The following KAZN variants were observed in gnomAD, a reference collection of about 807,000 sequenced individuals.
KAZN encodes kazrin, periplakin interacting protein.
Under a neutral mutation model 87.4 loss-of-function variants are expected in KAZN, and 40 were observed. The observed-to-expected ratio is 0.46, with a 90% confidence interval of 0.36 to 0.60. The LOEUF (loss-of-function observed/expected upper bound fraction) is 0.60, where lower values mean the gene tolerates loss of function less well. Ranked by LOEUF, KAZN falls within the 20% of genes least tolerant of loss-of-function variation. The pLI is 0.00. For missense variants in KAZN, 898 were observed against 1,073.9 expected (o/e 0.84, Z 2.29); for synonymous variants, 466 against 458.3 (o/e 1.02, Z -0.22).
intron 1 of KAZN, among the ~76,000 whole-genome samples, chr1:14,854,891 C>G (rs899998114): frequency 2.0e-5 from 3 of 152,140 alleles, no homozygotes; most frequent in Admixed American, 2.0e-4. Context: ...GCCAGCCGCT[C>G]TGATGTTTCT....
At chr1:14,009,063 A>AT (rs1640165474) in intron 1 of KAZN, among the ~76,000 whole-genome samples, 1 of 152,152 alleles carries the variant, frequency 6.6e-6, no homozygotes, top group South Asian at 2.1e-4. Context: ...ATCACACAGT[A>AT]TTTTATTTTT....
At chr1:14,147,588 TC>T (rs1164634404) in intron 1 of KAZN, among the ~76,000 whole-genome samples, 1 of 151,710 alleles carries the variant, frequency 6.6e-6, no homozygotes, top group Non-Finnish European at 1.5e-5. Flanking sequence ...GGTCAAGAGA[TC>T]AAGACCATCC....
In KAZN at chr1:14,692,239, C is replaced by T. The variant is rs534928428; in HGVS notation, c.226+93016C>T. 4.7e-5 allele frequency: 32 copies of T among 683,566 alleles called. 1 individual carries two copies. In the South Asian group the frequency reaches 1.6e-3, roughly 35 times the overall value. The allele number at this position is 683,566 out of a possible 1,614,324, so 42.3% of individuals were successfully genotyped here. A position where few individuals can be genotyped will look rare whatever the true frequency, so the allele number is the denominator to read the frequency against. On this transcript the variant is annotated intron_variant, in intron 1 of 14. Coordinates refer to ENST00000376030, the MANE Select transcript of KAZN (RefSeq NM_201628.3). Reference sequence around the variant, plus strand: ...TGTTGAAGATCCAAATATGCAGCTTCCAACCTGCGCTGGCAATCTGGGATC... The same window carrying T: ...TGTTGAAGATCCAAATATGCAGCTTTCAACCTGCGCTGGCAATCTGGGATC...
chr1:14,883,580 T>C lies in KAZN; in HGVS notation c.227-77104T>C, dbSNP rs10927564. 3.5e-3 allele frequency among the ~76,000 whole-genome samples: 529 copies of C among 151,146 alleles called. 2 individuals are homozygous for C. Among genetic ancestry groups the C allele is most frequent in the African/African-American group, 0.012 (498 of 40,920 alleles). ...CGCTCCTCCCATCCTCCATCATCCC[T>C]CACCTCCCGCCTACCCAATCAAATC... is the stretch of plus-strand genomic sequence containing the variant. On this transcript the variant is annotated intron_variant, in intron 1 of 14. Coordinates refer to ENST00000376030, the MANE Select transcript of KAZN (RefSeq NM_201628.3).
chr1:14,721,432 T>C (rs1193780994), intron 1 of KAZN, among the ~76,000 whole-genome samples: 2 of 152,204 alleles, frequency 1.3e-5, no homozygotes, highest in African/African-American at 4.8e-5. Flanking sequence ...GTCAATTAAA[T>C]CTCTTTCCTT....
chr1:14,060,831 A>G (rs1642765760), intron 1 of KAZN, among the ~76,000 whole-genome samples: 1 of 152,230 alleles, frequency 6.6e-6, no homozygotes. Context: ...AAAATCCAGG[A>G]CCATCTTGGG....
At chr1:13,997,929 A>C (rs1376290903) in intron 1 of KAZN, among the ~76,000 whole-genome samples, 1 of 152,174 alleles carries the variant, frequency 6.6e-6, no homozygotes, top group Non-Finnish European at 1.5e-5. Context: ...CAGATTCTCC[A>C]AGGTCGAAAT....
At chr1:14,139,026 C>T (rs1463121002) in intron 1 of KAZN, among the ~76,000 whole-genome samples, 3 of 152,134 alleles carry the variant, frequency 2.0e-5, no homozygotes, top group African/African-American at 7.2e-5. Flanking sequence ...AAGCGGCAGC[C>T]TTCTCTCCTT....
chr1:15,110,503 GTA>G (rs1641548707), intron 13 of KAZN, among the ~76,000 whole-genome samples: 1 of 22,804 alleles, frequency 4.4e-5, no homozygotes, highest in African/African-American at 1.0e-4. Context: ...GTATGTGTGT[GTA>G]TTTGTGTGTT....
chr1:14,383,927 T>C (rs1176014838), intron 2 of KAZN, among the ~76,000 whole-genome samples: 3 of 152,104 alleles, frequency 2.0e-5, no homozygotes, highest in African/African-American at 7.3e-5. Context: ...TTTCACAATA[T>C]TGATTCTTCC....
At chr1:14,625,347 C>G (rs7519289) in intron 1 of KAZN, among the ~76,000 whole-genome samples, 47,101 of 151,998 alleles carry the variant, frequency 0.31, 7,985 homozygotes, top group East Asian at 0.42. Flanking sequence ...TGGCCCCCCT[C>G]ACACTGCAAA....
intron 2 of KAZN, among the ~76,000 whole-genome samples, chr1:14,374,642 C>T (rs1448657873): frequency 6.6e-6 from 1 of 152,288 alleles, no homozygotes; most frequent in Non-Finnish European, 1.5e-5. Context: ...GATGAAGACG[C>T]CCTTCTGGGA....
At chr1:14,802,491 G>A (rs1422317139) in intron 1 of KAZN, among the ~76,000 whole-genome samples, 3 of 151,884 alleles carry the variant, frequency 2.0e-5, no homozygotes, top group African/African-American at 7.3e-5. Flanking sequence ...GGCACAACTG[G>A]TATGGGGGGG....
chr1:14,120,452 G>T (rs1397402159), intron 1 of KAZN, among the ~76,000 whole-genome samples: 1 of 152,112 alleles, frequency 6.6e-6, no homozygotes, highest in Non-Finnish European at 1.5e-5. Flanking sequence ...TTGAACATGA[G>T]ATTTGGGTGG....
chr1:14,470,812 A>G (rs1336565541), intron 2 of KAZN, among the ~76,000 whole-genome samples: 2 of 151,808 alleles, frequency 1.3e-5, no homozygotes, highest in African/African-American at 4.8e-5. Context: ...TGCTCCCATG[A>G]CTCTCGGCTT....
At chr1:13,941,777 A>G (rs1350825596) in intron 1 of KAZN, among the ~76,000 whole-genome samples, 1 of 152,220 alleles carries the variant, frequency 6.6e-6, no homozygotes, top group Non-Finnish European at 1.5e-5. Context: ...CACCACCAAC[A>G]GCAACAACAA....
At chr1:14,810,573 C>G (rs1646375597) in intron 1 of KAZN, among the ~76,000 whole-genome samples, 1 of 152,142 alleles carries the variant, frequency 6.6e-6, no homozygotes, top group Non-Finnish European at 1.5e-5. Context: ...ATGGACATGA[C>G]CCCCTCCCAC....
intron 1 of KAZN, among the ~76,000 whole-genome samples, chr1:14,110,207 G>A (rs1414691203): frequency 2.0e-5 from 3 of 152,200 alleles, no homozygotes; most frequent in African/African-American, 7.2e-5. Flanking sequence ...TCAGCTGGAT[G>A]TTCCGTTTCC....
chr1:15,014,667 C>T (rs76288128), intron 2 of KAZN, among the ~76,000 whole-genome samples: 2,305 of 152,220 alleles, frequency 0.015, 63 homozygotes, highest in African/African-American at 0.052. Context: ...GCCTTCCTCC[C>T]GGGAAGAATC....
Sources: gnomAD v4.1 joint callset for allele counts (sites outside exome capture counted in the v4.1 genomes callset) on GRCh38, gnomAD v4.1.1 for gene constraint, MANE v1.5 for transcripts, NCBI Gene and HGNC (gene_info 2026-07-23, HGNC 2026-07-21) for gene names.